The following EBP variants were observed in gnomAD, a reference collection of about 807,000 sequenced individuals.
The protein encoded by EBP is EBP cholestenol delta-isomerase.
A neutral mutation model predicts 14.1 loss-of-function variants in EBP; 1 was observed. The ratio of observed to expected loss-of-function variants is 0.07; its 90% CI spans 0.03 to 0.34. The LOEUF (loss-of-function observed/expected upper bound fraction) is 0.34. Among genes scored for constraint, EBP ranks in the 10% least tolerant of loss-of-function variants. The probability of loss-of-function intolerance (pLI) is 0.99; values close to 1 mark genes in which losing one functional copy is unlikely to be tolerated. For synonymous variants in EBP, 72 were observed against 77.7 expected (o/e 0.93, Z 0.38); for missense variants, 123 against 184.6 (o/e 0.67, Z 1.93).
intron 1 of EBP, 25 bp from the exon 2 acceptor site, chrX:48,523,674 C>T: frequency 3.4e-6 from 3 of 882,681 alleles, no homozygotes; most frequent in Non-Finnish European, 4.7e-6. Flanking sequence ...TTTATTATCT[C>T]ATTCTGTACT....
rs1278292902 is a variant in EBP, at chrX:48,528,224, C to T, written c.470-10C>T. The T allele has an allele frequency of 8.3e-7, 1 of 1,203,332 alleles. No individual in the cohort carries two copies. The highest frequency in any genetic ancestry group is 1.1e-6 in the Non-Finnish European group (1 of 889,140). ...ACTGGGGCTTCTCCTTCCCCTCCTG[C>T]CACCCACAGGCCAGATCTATGGGGA... is the stretch of plus-strand genomic sequence containing the variant. On this transcript the variant is annotated splice_polypyrimidine_tract_variant and intron_variant, in intron 4 of 4. Coordinates refer to ENST00000495186, the MANE Select transcript of EBP (RefSeq NM_006579.3).
At chrX:48,525,947 C>T (rs900494551) in intron 2 of EBP, among the ~76,000 whole-genome samples, 5 of 108,471 alleles carry the variant, frequency 4.6e-5, no homozygotes, top group Non-Finnish European at 7.6e-5. Context: ...ATTAGCTGGG[C>T]GTGGTGGCAG....
Position 48,524,008 on chromosome X carries a change from C to T in EBP, c.237C>T (p.Ile79=), listed in dbSNP as rs782185557. The T allele has an allele frequency of 1.2e-5, 14 of 1,209,099 alleles. No homozygotes were observed. Among genetic ancestry groups the T allele is most frequent in the African/African-American group, 3.5e-5 (2 of 56,847 alleles). ...FAVCGFIHLV[I]EGWFVLYYED... is the part of the protein sequence containing the mutation. ...TGTGTGGGTTCATTCACCTGGTGAT[C>T]GAGGGCTGGTTCGTTCTCTACTACG... Residue 79 remains isoleucine (I), a synonymous_variant, in exon 2 of 5, where the codon ATC becomes ATT. Transcript: ENST00000495186.
Position 48,528,633 on chromosome X carries a change from A to G in EBP, c.*176A>G, listed in dbSNP as rs2061786129. The G allele has an allele frequency of 8.4e-6, 4 of 476,343 alleles. No homozygotes were observed. Among genetic ancestry groups the G allele is most frequent in the Non-Finnish European group, 3.7e-6 (1 of 273,442 alleles). The allele number at this position is 476,343 out of a possible 1,213,427, so 39.3% of individuals were successfully genotyped here. A position where few individuals can be genotyped will look rare whatever the true frequency, so the allele number is the denominator to read the frequency against. Reference sequence around the variant, plus strand: ...CTGTGTGAAGGCACTGCTGGGAGCCATTAGAACACAGATACAAGAGAAGCC... The same window carrying G: ...CTGTGTGAAGGCACTGCTGGGAGCCGTTAGAACACAGATACAAGAGAAGCC... On this transcript the variant is annotated 3_prime_UTR_variant, in exon 5 of 5. Transcript: ENST00000495186.
intron 1 of EBP, among the ~76,000 whole-genome samples, chrX:48,523,307 C>A (rs1249626584): frequency 9.0e-6 from 1 of 111,207 alleles, no homozygotes; most frequent in Non-Finnish European, 1.9e-5. Flanking sequence ...GTAATCCCAG[C>A]ACTTTGGGAG....
intron 4 of EBP, 49 bp from the exon 5 acceptor site, chrX:48,528,185 G>T: frequency 9.1e-7 from 1 of 1,098,446 alleles, no homozygotes; most frequent in Non-Finnish European, 1.2e-6. Flanking sequence ...ATTGGCGAAA[G>T]TGTCCCCTTC....
chrX:48,528,231 C>T lies in EBP; in HGVS notation c.470-3C>T. 1 of 1,207,096 alleles carries T rather than the reference C, an allele frequency of 8.3e-7. No homozygotes were observed. The highest frequency in any genetic ancestry group is 1.1e-6 in the Non-Finnish European group (1 of 891,943). ...CTTCTCCTTCCCCTCCTGCCACCCA[C>T]AGGCCAGATCTATGGGGATGTGCTC... On this transcript the variant is annotated splice_polypyrimidine_tract_variant and splice_region_variant and intron_variant, in intron 4 of 4. Coordinates refer to ENST00000495186, the MANE Select transcript of EBP (RefSeq NM_006579.3).
Position 48,525,022 on chromosome X carries a change from T to G in EBP, c.301+950T>G, listed in dbSNP as rs147712772. ...ATTTAACTTTTTTGTTGCATGTATA[T>G]TCACGTGGGTCAAAAAACCATTTAA... On this transcript the variant is annotated intron_variant, in intron 2 of 4. Transcript: ENST00000495186. Among the ~76,000 whole-genome samples the G allele has an allele frequency of 5.8e-3, 655 of 112,129 alleles. 3 individuals carry two copies. The highest frequency in any genetic ancestry group is 9.6e-3 in the South Asian group (26 of 2,695).
chrX:48,527,454 G>A, intron 4 of EBP, 169 bp downstream of exon 4: 1 of 767,327 alleles, frequency 1.3e-6, no homozygotes. Context: ...CCTTCTCTGA[G>A]CCTGCACTCT....
intron 4 of EBP, chrX:48,527,665 G>T: frequency 4.4e-6 from 1 of 225,111 alleles, no homozygotes; most frequent in Non-Finnish European, 8.1e-6. Context: ...GAGTGCTATG[G>T]TGTGATCTCG....
intron 2 of EBP, among the ~76,000 whole-genome samples, chrX:48,526,342 C>CTTTTTT (rs143091554): frequency 1.1e-5 from 1 of 89,160 alleles, no homozygotes. Flanking sequence ...TTCTTTCTTT[C>CTTTTTT]TTTTTTTTTT....
Position 48,528,659 on chromosome X carries a change from A to G in EBP, c.*202A>G, listed in dbSNP as rs1416322031. 3 of 449,588 alleles carry G rather than the reference A, an allele frequency of 6.7e-6. No individual in the cohort carries two copies. The highest frequency in any genetic ancestry group is 1.2e-5 in the Non-Finnish European group (3 of 258,566). 37.1% of individuals were successfully genotyped at this position (449,588 alleles called of 1,213,427 possible). On this transcript the variant is annotated 3_prime_UTR_variant, in exon 5 of 5. Transcript: ENST00000495186. ...TTAGAACACAGATACAAGAGAAGCC[A>G]GGAGGTCTATGATGGTGACGATTTT...
chrX:48,522,767 G>A (rs2061766931), intron 1 of EBP, among the ~76,000 whole-genome samples: 1 of 112,026 alleles, frequency 8.9e-6, no homozygotes, highest in Non-Finnish European at 1.9e-5. Flanking sequence ...CTGCCTCCCA[G>A]GTTCAAGCGA....
intron 2 of EBP, among the ~76,000 whole-genome samples, chrX:48,526,048 C>G (rs1602089952): frequency 1.0e-5 from 1 of 97,739 alleles, no homozygotes; most frequent in East Asian, 3.3e-4. Flanking sequence ...GATTGCGCCA[C>G]TGCACACTCC....
At position 48,523,729 on chromosome X, in the gene EBP, T is replaced by TTTTTTA; in HGVS notation, c.-43_-42insTTTTTA. 2 of 1,042,272 alleles carry TTTTTTA rather than the reference T, an allele frequency of 1.9e-6. No individual in the cohort carries two copies. Among genetic ancestry groups the TTTTTTA allele is most frequent in the Non-Finnish European group, 2.6e-6 (2 of 777,426 alleles). 85.9% of individuals were successfully genotyped at this position (1,042,272 alleles called of 1,213,427 possible). A position where few individuals can be genotyped will look rare whatever the true frequency, so the allele number is the denominator to read the frequency against. On this transcript the variant is annotated 5_prime_UTR_variant, in exon 2 of 5. Transcript: ENST00000495186. The stretch of plus-strand genomic sequence containing the variant: ...TCTGTTCCTTTTTTTTTTTTTTTTT[T>TTTTTTA]AACTTCCTGCCTATACACACGCAGC...
rs1320265603 is a variant in EBP at position 48,521,876 on chromosome X, A to T, written c.-105A>T. ...CCCAGCCTAAAGAGAGCCCGGAGCC[A>T]GCGTGGGAGGCCGCTGCCGTCGCGC... is the stretch of plus-strand genomic sequence containing the variant. On this transcript the variant is annotated 5_prime_UTR_variant, in exon 1 of 5. Coordinates refer to ENST00000495186, the MANE Select transcript of EBP (RefSeq NM_006579.3). 1 of 113,567 alleles carries T rather than the reference A, an allele frequency of 8.8e-6. No individual in the cohort carries two copies. The highest frequency in any genetic ancestry group is 3.2e-5 in the African/African-American group (1 of 31,156). 9.4% of individuals were successfully genotyped at this position (113,567 alleles called of 1,213,427 possible).
At chrX:48,526,018 C>T (rs1207856302) in intron 2 of EBP, among the ~76,000 whole-genome samples, 2 of 90,464 alleles carry the variant, frequency 2.2e-5, no homozygotes, top group African/African-American at 4.3e-5. Context: ...ACCTGGGAGG[C>T]GGAGGTTGTG....
chrX:48,523,884 T>C lies in EBP; in HGVS notation c.113T>C (p.Val38Ala). The C allele has an allele frequency of 5.0e-6, 6 of 1,211,514 alleles. No individual in the cohort carries two copies. Among genetic ancestry groups the C allele is most frequent in the Non-Finnish European group, 6.7e-6 (6 of 895,510 alleles). ...TWHILAGLFSVTGVLVVTTWL... is the reference protein window; with the variant it reads ...TWHILAGLFSATGVLVVTTWL... Reference sequence around the variant, plus strand: ...CATATACTGGCTGGCCTCTTCTCTGTCACAGGGGTCTTAGTCGTGACCACA... The same window carrying C: ...CATATACTGGCTGGCCTCTTCTCTGCCACAGGGGTCTTAGTCGTGACCACA... Residue 38 changes from valine to alanine, a missense_variant, in exon 2 of 5, where the codon GTC becomes GCC. By Grantham distance (64) the Val-to-Ala change is moderately conservative. Transcript: ENST00000495186.
chrX:48,528,546 C>G lies in EBP; in HGVS notation c.*89C>G. 1 of 856,855 alleles carries G rather than the reference C, an allele frequency of 1.2e-6. No individual in the cohort carries two copies. The highest frequency in any genetic ancestry group is 1.7e-6 in the Non-Finnish European group (1 of 600,381). 70.6% of individuals were successfully genotyped at this position (856,855 alleles called of 1,213,427 possible). A position where few individuals can be genotyped will look rare whatever the true frequency, so the allele number is the denominator to read the frequency against. On this transcript the variant is annotated 3_prime_UTR_variant, in exon 5 of 5. Transcript: ENST00000495186. ...GTCCTGCTCCCACAGTTTGGAGGGA[C>G]AAAGCTAATTGATCTGTCACACTCA...
Sources: gnomAD v4.1 joint callset for allele counts (sites outside exome capture counted in the v4.1 genomes callset) on GRCh38, gnomAD v4.1.1 for gene constraint, MANE v1.5 for transcripts, NCBI Gene and HGNC (gene_info 2026-07-23, HGNC 2026-07-21) for gene names.